The following RAB28 variants were observed in gnomAD, a reference collection of about 807,000 sequenced individuals.
RAB28 encodes the protein ras-related protein Rab-28.
In RAB28, 24 loss-of-function variants were observed where a neutral mutation model predicts 31.7. That is an observed-to-expected ratio of 0.76 (90% CI 0.55 to 1.06). RAB28 has a LOEUF of 1.06. Among genes scored for constraint, RAB28 ranks in the 50% least tolerant of loss-of-function variants. The pLI is 0.00. For missense variants in RAB28, 254 were observed against 258.5 expected, an observed-to-expected ratio of 0.98 and a Z score of 0.12; for synonymous variants, 100 against 90.4, an observed-to-expected ratio of 1.11 and a Z score of -0.60.
rs534140579 is a variant in RAB28 at position 13,396,652 on chromosome 4, T to C, written c.392-15058A>G. Among the ~76,000 whole-genome samples, 8 of 152,202 alleles carry C rather than the reference T, an allele frequency of 5.3e-5. No individual in the cohort carries two copies. The East Asian group carries it at 1.5e-3, about 29-fold the overall frequency. On this transcript the variant is annotated intron_variant, in intron 4 of 6. Coordinates refer to ENST00000330852, the MANE Select transcript of RAB28 (RefSeq NM_001017979.3). ...GTTCTCATCAGAGAAAGTACTTTTG[T>C]TTCTGGTATAAATTTAAAGACCTCA... is the stretch of plus-strand genomic sequence containing the variant.
chr4:13,371,747 G>A, intron 6 of RAB28: 1 of 1,544,996 alleles, frequency 6.5e-7, no homozygotes, highest in Middle Eastern at 1.8e-4. Flanking sequence ...TTATTTAAAA[G>A]CCATTTATTG....
chr4:13,374,219 C>T (rs1428299979), intron 6 of RAB28, among the ~76,000 whole-genome samples: 3 of 151,974 alleles, frequency 2.0e-5, no homozygotes, highest in African/African-American at 4.8e-5. Flanking sequence ...AGAGTAAATG[C>T]CACCAACAAA....
chr4:13,456,355 C>T (rs1056609460), intron 4 of RAB28, among the ~76,000 whole-genome samples: 3 of 152,192 alleles, frequency 2.0e-5, no homozygotes, highest in Admixed American at 6.5e-5. Context: ...TTGAAGCTAT[C>T]TATGCTCAGT....
intron 6 of RAB28, 147 bp from the exon 7 acceptor site, chr4:13,368,797 C>CCAGA: frequency 1.6e-6 from 1 of 614,874 alleles, no homozygotes; most frequent in Non-Finnish European, 2.5e-6. Flanking sequence ...AAAGAATAAG[C>CCAGA]CAGACAAACA....
At chr4:13,430,946 G>T (rs1207017255) in intron 4 of RAB28, among the ~76,000 whole-genome samples, 2 of 152,206 alleles carry the variant, frequency 1.3e-5, no homozygotes, top group African/African-American at 4.8e-5. Flanking sequence ...GAGACGTGGA[G>T]AGAGGGTCAT....
intron 1 of RAB28, among the ~76,000 whole-genome samples, chr4:13,482,795 T>C (rs1716671871): frequency 6.6e-6 from 1 of 152,140 alleles, no homozygotes; most frequent in African/African-American, 2.4e-5. Context: ...AAAAAAATAC[T>C]TCAAATTTTG....
At chr4:13,392,946 C>T (rs1318213567) in intron 4 of RAB28, among the ~76,000 whole-genome samples, 2 of 152,042 alleles carry the variant, frequency 1.3e-5, no homozygotes, top group African/African-American at 4.8e-5. Context: ...TGAATAAATA[C>T]ACAAAAAGCA....
At chr4:13,463,980 C>G (rs563562978) in intron 3 of RAB28, among the ~76,000 whole-genome samples, 3 of 152,004 alleles carry the variant, frequency 2.0e-5, no homozygotes, top group Non-Finnish European at 4.4e-5. Context: ...TTGGACTGAT[C>G]AGAAAACTGA....
chr4:13,402,035 T>G (rs577936179), intron 4 of RAB28, among the ~76,000 whole-genome samples: 1 of 152,364 alleles, frequency 6.6e-6, no homozygotes, highest in South Asian at 2.1e-4. Flanking sequence ...GTGTTCAAAT[T>G]CTTAATATTT....
At chr4:13,369,564 G>C (rs1351588482) in intron 6 of RAB28, among the ~76,000 whole-genome samples, 3 of 152,010 alleles carry the variant, frequency 2.0e-5, no homozygotes, top group Non-Finnish European at 4.4e-5. Context: ...AAATGGTAAG[G>C]AATGAATAAT....
intron 6 of RAB28, chr4:13,370,885 A>G: frequency 1.0e-6 from 1 of 957,642 alleles, no homozygotes; most frequent in Non-Finnish European, 1.2e-6. Flanking sequence ...TATATTCTTA[A>G]TTGCTGCTAC....
chr4:13,434,056 T>C (rs1378862589), intron 4 of RAB28, among the ~76,000 whole-genome samples: 1 of 151,968 alleles, frequency 6.6e-6, no homozygotes, highest in South Asian at 2.1e-4. Flanking sequence ...TGAATTAACA[T>C]AGAAACAGAA....
chr4:13,379,449 A>G (rs190349995), intron 5 of RAB28, among the ~76,000 whole-genome samples: 2 of 152,242 alleles, frequency 1.3e-5, no homozygotes, highest in Non-Finnish European at 2.9e-5. Context: ...TGACAAAATG[A>G]AAGAGGGAAA....
intron 4 of RAB28, among the ~76,000 whole-genome samples, chr4:13,445,199 G>A (rs1018920303): frequency 1.7e-4 from 26 of 151,720 alleles, no homozygotes; most frequent in African/African-American, 6.1e-4. Flanking sequence ...GCTTCACGAA[G>A]TTCTCATGCT....
intron 4 of RAB28, among the ~76,000 whole-genome samples, chr4:13,383,493 A>C (rs1484491521): frequency 1.3e-5 from 2 of 152,172 alleles, no homozygotes; most frequent in African/African-American, 2.4e-5. Context: ...AAAAGAACTT[A>C]TTCAACAAAC....
intron 1 of RAB28, 143 bp downstream of exon 1, chr4:13,483,933 G>C: frequency 1.4e-6 from 1 of 724,678 alleles, no homozygotes. Flanking sequence ...TTCGTGTCCG[G>C]CCTCAGGCCA....
At chr4:13,416,479 G>A (rs936915668) in intron 4 of RAB28, among the ~76,000 whole-genome samples, 9 of 152,012 alleles carry the variant, frequency 5.9e-5, no homozygotes, top group Admixed American at 1.3e-4. Context: ...CACCAATTCC[G>A]GACACAGTAT....
chr4:13,410,726 C>T (rs1454510023), intron 4 of RAB28, among the ~76,000 whole-genome samples: 5 of 151,962 alleles, frequency 3.3e-5, no homozygotes, highest in Admixed American at 2.6e-4. Context: ...GGTAGCGTTA[C>T]AATCAACATT....
intron 3 of RAB28, among the ~76,000 whole-genome samples, chr4:13,461,290 T>C (rs968439922): frequency 6.6e-6 from 1 of 152,232 alleles, no homozygotes; most frequent in South Asian, 2.1e-4. Flanking sequence ...ATAGACAATT[T>C]AAGTGTTTAA....
Sources: allele counts gnomAD v4.1 joint callset (sites outside exome capture counted in the v4.1 genomes callset), GRCh38; gene constraint gnomAD v4.1.1; transcripts MANE v1.5; gene names NCBI Gene and HGNC (gene_info 2026-07-23, HGNC 2026-07-21).